Variants in RAB3GAP1 observed in about 807,000 individuals in gnomAD.
RAB3GAP1 encodes the protein RAB3 GTPase activating protein catalytic subunit 1.
RAB3GAP1 carries 86 observed loss-of-function variants against 130.7 expected under a neutral mutation model. The ratio of observed to expected loss-of-function variants is 0.66; its 90% confidence interval spans 0.55 to 0.79. The LOEUF is 0.79. RAB3GAP1 is among the 30% of genes least tolerant of loss of function. The pLI is 0.00. For synonymous variants in RAB3GAP1, 367 were observed against 401.7 expected (o/e 0.91, Z 1.03); for missense variants, 1,029 against 1,169.4 (o/e 0.88, Z 1.75).
intron 3 of RAB3GAP1, among the ~76,000 whole-genome samples, chr2:135,072,730 A>G (rs1241036278): frequency 6.6e-6 from 1 of 152,192 alleles, no homozygotes; most frequent in Admixed American, 6.5e-5. Context: ...ATCCTTTCTC[A>G]TATAAAGTAT....
chr2:135,117,409 T>TTTCTTC (rs764864449), intron 7 of RAB3GAP1, among the ~76,000 whole-genome samples: 7,401 of 100,140 alleles, frequency 0.074, 407 homozygotes, highest in Middle Eastern at 0.12. Context: ...CAATACTTTA[T>TTTCTTC]TTCTTCTTCT....
intron 3 of RAB3GAP1, among the ~76,000 whole-genome samples, chr2:135,085,594 A>G (rs1253444217): frequency 1.3e-5 from 2 of 152,206 alleles, no homozygotes; most frequent in Non-Finnish European, 1.5e-5. Context: ...AGGTTGAAAG[A>G]TAAGTGGAAA....
chr2:135,128,813 A>T lies in RAB3GAP1; in HGVS notation c.974-1182A>T, dbSNP rs376750208. Among the ~76,000 whole-genome samples, 33 of 152,330 alleles carry T rather than the reference A, an allele frequency of 2.2e-4. No homozygotes were observed. In the South Asian group the frequency reaches 5.8e-3, roughly 27 times the overall value. ...TAAGCATTCATTTATTTGTGTAAAC[A>T]TTGTAGCTGTTCAGAAGATTCAAAT... On this transcript the variant is annotated intron_variant, in intron 11 of 23. Coordinates refer to ENST00000264158, the MANE Select transcript of RAB3GAP1 (RefSeq NM_012233.3).
At position 135,129,978 on chromosome 2, in the gene RAB3GAP1, C is replaced by CTT. The variant is rs754110087; in HGVS notation, c.974-11_974-10dup. On this transcript the variant is annotated splice_polypyrimidine_tract_variant and intron_variant, in intron 11 of 23. Transcript: ENST00000264158. Reference sequence around the variant, plus strand: ...TTTTTCAGTTAAGTGTCAAAAATAACTTTTTTTCCTACATAGGTGATTTTG... The same window carrying CTT: ...TTTTTCAGTTAAGTGTCAAAAATAACTTTTTTTTTCCTACATAGGTGATTTTG... 6.6e-7 allele frequency: 1 copy of CTT among 1,513,004 alleles called. No homozygotes were observed. Among genetic ancestry groups the CTT allele is most frequent in the Non-Finnish European group, 9.1e-7 (1 of 1,097,492 alleles). 93.7% of individuals were successfully genotyped at this position (1,513,004 alleles called of 1,614,324 possible).
At chr2:135,077,961 T>C (rs1441016718) in intron 3 of RAB3GAP1, among the ~76,000 whole-genome samples, 3 of 152,230 alleles carry the variant, frequency 2.0e-5, no homozygotes, top group African/African-American at 7.2e-5. Flanking sequence ...TTATGTGATA[T>C]ATGACTTACA....
At chr2:135,094,274 TTTTTTG>T (rs1690229146) in intron 5 of RAB3GAP1, among the ~76,000 whole-genome samples, 2 of 152,260 alleles carry the variant, frequency 1.3e-5, no homozygotes, top group South Asian at 2.1e-4. Context: ...TTCTTTCAGT[TTTTTTG>T]TTTTTAATTA....
chr2:135,065,615 A>G (rs1689295411), intron 3 of RAB3GAP1, among the ~76,000 whole-genome samples: 1 of 151,898 alleles, frequency 6.6e-6, no homozygotes, highest in Admixed American at 6.6e-5. Context: ...TTCCTTTTCA[A>G]TTTTTTTGTG....
At chr2:135,143,413 C>G (rs184286930) in intron 17 of RAB3GAP1, among the ~76,000 whole-genome samples, 2 of 151,946 alleles carry the variant, frequency 1.3e-5, no homozygotes, top group Middle Eastern at 3.2e-3. Flanking sequence ...TGATTTTTCT[C>G]TGTTGATTTT....
chr2:135,070,524 TTTTA>T (rs567368581), intron 3 of RAB3GAP1, among the ~76,000 whole-genome samples: 1 of 152,112 alleles, frequency 6.6e-6, no homozygotes, highest in East Asian at 1.9e-4. Context: ...GAATTATTAT[TTTTA>T]TTTATTTATT....
rs191666408 is a variant in RAB3GAP1, at chr2:135,136,023, T to G, written c.1923+91T>G. 22 of 1,538,016 alleles carry G rather than the reference T, an allele frequency of 1.4e-5. No homozygotes were observed. The East Asian group carries it at 4.9e-4, about 35-fold the overall frequency. ...AGATAGTGCTTTGAGTAAGGAAAAT[T>G]ATCCAAAAAGTCTATGTTTAGGCCA... On this transcript the variant is annotated intron_variant, in intron 17 of 23. Coordinates refer to ENST00000264158, the MANE Select transcript of RAB3GAP1 (RefSeq NM_012233.3).
At chr2:135,171,966 G>A (rs1692866619), downstream of RAB3GAP1, among the ~76,000 whole-genome samples, 3 of 152,204 alleles carry the variant, frequency 2.0e-5, no homozygotes, top group Admixed American at 2.0e-4. Context: ...AAGCACAGAA[G>A]GAAGGCCACT....
intron 3 of RAB3GAP1, among the ~76,000 whole-genome samples, chr2:135,081,327 A>AAAAAAAAAATATATAT (rs1363481112): frequency 1.6e-5 from 1 of 64,068 alleles, no homozygotes; most frequent in Non-Finnish European, 2.3e-5. Flanking sequence ...AAAAAAAAAA[A>AAAAAAAAAATATATAT]ATATATATAT....
intron 7 of RAB3GAP1, among the ~76,000 whole-genome samples, chr2:135,120,105 C>G (rs561667130): frequency 2.4e-4 from 36 of 152,290 alleles, no homozygotes; most frequent in African/African-American, 8.4e-4. Context: ...AAGACATCCT[C>G]TCCCCAAACC....
chr2:135,100,605 T>A (rs745620679), intron 5 of RAB3GAP1, among the ~76,000 whole-genome samples: 13 of 152,256 alleles, frequency 8.5e-5, no homozygotes, highest in Non-Finnish European at 1.8e-4. Flanking sequence ...TTACTTGACC[T>A]TTCTTAAAGT....
At chr2:135,139,089 T>C (rs1402189709) in intron 17 of RAB3GAP1, among the ~76,000 whole-genome samples, 1 of 152,194 alleles carries the variant, frequency 6.6e-6, no homozygotes, top group Non-Finnish European at 1.5e-5. Flanking sequence ...GATTTTTCTT[T>C]TAGGTTGCTC....
intron 11 of RAB3GAP1, among the ~76,000 whole-genome samples, chr2:135,128,842 T>C (rs996423992): frequency 1.3e-5 from 2 of 152,224 alleles, no homozygotes; most frequent in East Asian, 1.9e-4. Context: ...TTCAAATCGC[T>C]TTACCTCTGT....
At chr2:135,157,366 T>C (rs1256155706) in intron 19 of RAB3GAP1, among the ~76,000 whole-genome samples, 1 of 152,116 alleles carries the variant, frequency 6.6e-6, no homozygotes, top group South Asian at 2.1e-4. Flanking sequence ...AGAGGAAAAA[T>C]AAACCTGAAA....
At position 135,135,932 on chromosome 2, in the gene RAB3GAP1, G is replaced by C; in HGVS notation, c.1923G>C (p.Gln641His). ...AACCTCTCTACATTCCAGTAACCCA[G>C]GTAGGATGCACTAGTTCTTTCCATT... ...NGEPLYIPVTQEPAPMTEDLL... is the reference protein window; with the variant it reads ...NGEPLYIPVTHEPAPMTEDLL... Residue 641 changes from glutamine to histidine, a missense_variant and splice_region_variant, in exon 17 of 24, where the codon CAG becomes CAC. By Grantham distance (24) the Gln-to-His change is conservative (BLOSUM62 0). Around this residue, in one of 3 missense-constraint regions of RAB3GAP1, gnomAD observed 373 missense variants for 493.6 expected, o/e 0.76. Coordinates refer to ENST00000264158, the MANE Select transcript of RAB3GAP1 (RefSeq NM_012233.3). 2 of 1,613,604 alleles carry C rather than the reference G, an allele frequency of 1.2e-6. No homozygotes were observed. The highest frequency in any genetic ancestry group is 1.7e-6 in the Non-Finnish European group (2 of 1,179,496).
intron 3 of RAB3GAP1, among the ~76,000 whole-genome samples, chr2:135,081,837 C>A (rs2104860291): frequency 6.6e-6 from 1 of 152,110 alleles, no homozygotes; most frequent in South Asian, 2.1e-4. Context: ...AGAATCTTCT[C>A]AGTGTAAATT....
Sources: gnomAD v4.1 joint callset for allele counts (sites outside exome capture counted in the v4.1 genomes callset) on GRCh38, gnomAD v4.1.1 for gene constraint, gnomAD v4.1.1 regional missense constraint, MANE v1.5 for transcripts, NCBI Gene and HGNC (gene_info 2026-07-23, HGNC 2026-07-21) for gene names.